Variants in TMEM132B observed in about 807,000 individuals in gnomAD.
The protein encoded by TMEM132B is transmembrane protein 132B.
A neutral mutation model predicts 90.8 loss-of-function variants in TMEM132B; 18 were observed. That is an observed-to-expected ratio of 0.20 (90% CI 0.14 to 0.29). The LOEUF is 0.29. Among genes scored for constraint, TMEM132B ranks in the 10% least tolerant of loss-of-function variants. The pLI, the probability that TMEM132B is intolerant of heterozygous loss-of-function variation, is 1.00. For synonymous variants in TMEM132B, 504 were observed against 523.3 expected (o/e 0.96, Z 0.50); for missense variants, 1,096 against 1,326.8 (o/e 0.83, Z 2.70).
At chr12:125,426,724 C>T (rs764519621) in intron 3 of TMEM132B, among the ~76,000 whole-genome samples, 20 of 152,222 alleles carry the variant, frequency 1.3e-4, no homozygotes, top group Admixed American at 1.2e-3. Context: ...GCTTTCGTCA[C>T]GACCTAGTGG....
At chr12:125,499,069 G>T (rs1053673513) in intron 3 of TMEM132B, among the ~76,000 whole-genome samples, 1 of 152,138 alleles carries the variant, frequency 6.6e-6, no homozygotes, top group Non-Finnish European at 1.5e-5. Flanking sequence ...CTTTGGTGTG[G>T]TTATCATGTT....
At chr12:125,303,051 C>T (rs991526404) in intron 1 of TMEM132B, among the ~76,000 whole-genome samples, 11 of 151,808 alleles carry the variant, frequency 7.2e-5, no homozygotes, top group African/African-American at 2.2e-4. Context: ...GAGCTGAGAT[C>T]GCACCACTGC....
At chr12:125,629,443 C>T (rs1886306050) in intron 5 of TMEM132B, among the ~76,000 whole-genome samples, 1 of 151,754 alleles carries the variant, frequency 6.6e-6, no homozygotes, top group African/African-American at 2.4e-5. Flanking sequence ...TCTGATTGTT[C>T]ATTGTTGGCA....
chr12:125,426,578 C>A (rs1398177552), intron 3 of TMEM132B, among the ~76,000 whole-genome samples: 1 of 152,202 alleles, frequency 6.6e-6, no homozygotes, highest in East Asian at 1.9e-4. Context: ...TTCTCACTGG[C>A]TGAGGGCTAT....
chr12:125,238,387 C>CAAAAAAA (rs1565981391), intron 1 of TMEM132B, among the ~76,000 whole-genome samples: 1 of 137,650 alleles, frequency 7.3e-6, no homozygotes, highest in African/African-American at 2.7e-5. Flanking sequence ...CAAAAAAAAA[C>CAAAAAAA]CAAAAAAACA....
chr12:125,514,105 A>G (rs1440422401), intron 3 of TMEM132B, among the ~76,000 whole-genome samples: 1 of 152,216 alleles, frequency 6.6e-6, no homozygotes, highest in African/African-American at 2.4e-5. Flanking sequence ...TTCTCTAAGC[A>G]GAGTATATAA....
At chr12:125,638,512 C>A (rs144393711) in intron 5 of TMEM132B, among the ~76,000 whole-genome samples, 1 of 152,258 alleles carries the variant, frequency 6.6e-6, no homozygotes, top group East Asian at 1.9e-4. Flanking sequence ...AGGTTTTTCT[C>A]TACATAGTTT....
chr12:125,340,052 G>T (rs1333469322), intron 1 of TMEM132B, among the ~76,000 whole-genome samples: 2 of 152,180 alleles, frequency 1.3e-5, no homozygotes, highest in Non-Finnish European at 2.9e-5. Context: ...GATGTTTCAG[G>T]TCTTAACAAC....
intron 1 of TMEM132B, among the ~76,000 whole-genome samples, chr12:125,281,398 G>A (rs1191908147): frequency 6.6e-6 from 1 of 152,142 alleles, no homozygotes; most frequent in Non-Finnish European, 1.5e-5. Context: ...GGTGGTGGCG[G>A]GAGAAAGTGG....
chr12:125,242,847 A>G (rs1874105054), intron 1 of TMEM132B, among the ~76,000 whole-genome samples: 1 of 152,028 alleles, frequency 6.6e-6, no homozygotes. Flanking sequence ...AAATTATGTT[A>G]AACACATAAC....
intron 3 of TMEM132B, among the ~76,000 whole-genome samples, chr12:125,476,494 A>G (rs754318388): frequency 3.3e-5 from 5 of 152,238 alleles, no homozygotes; most frequent in African/African-American, 9.6e-5. Flanking sequence ...TCTCAATAAC[A>G]GTCCATTGTA....
intron 1 of TMEM132B, among the ~76,000 whole-genome samples, chr12:125,195,392 G>A (rs985539775): frequency 9.3e-5 from 11 of 118,642 alleles, no homozygotes; most frequent in African/African-American, 3.0e-4. Context: ...GAGGGTTTGC[G>A]GGTTTTTTTT....
chr12:125,600,627 A>G (rs977774335), intron 5 of TMEM132B, among the ~76,000 whole-genome samples: 2 of 152,222 alleles, frequency 1.3e-5, no homozygotes, highest in Admixed American at 1.3e-4. Flanking sequence ...TCAAGGCAGC[A>G]TTTAATGAAT....
intron 3 of TMEM132B, among the ~76,000 whole-genome samples, chr12:125,503,479 C>T (rs531313673): frequency 1.3e-5 from 2 of 152,252 alleles, no homozygotes; most frequent in South Asian, 2.1e-4. Context: ...TGGATCTCAT[C>T]GTTATTTGAA....
At chr12:125,332,876 A>G (rs1215822852) in intron 1 of TMEM132B, among the ~76,000 whole-genome samples, 1 of 151,460 alleles carries the variant, frequency 6.6e-6, no homozygotes, top group Admixed American at 6.6e-5. Flanking sequence ...AAAAACAAGA[A>G]AGAGAACAAA....
intron 1 of TMEM132B, among the ~76,000 whole-genome samples, chr12:125,258,452 A>C (rs1874488910): frequency 6.6e-6 from 1 of 152,118 alleles, no homozygotes; most frequent in African/African-American, 2.4e-5. Flanking sequence ...CTGGGCTGGG[A>C]TGGCTTGAAG....
intron 3 of TMEM132B, among the ~76,000 whole-genome samples, chr12:125,483,672 A>G (rs1430172351): frequency 6.6e-6 from 1 of 152,212 alleles, no homozygotes; most frequent in Non-Finnish European, 1.5e-5. Context: ...GGATTTGCTC[A>G]TGAAATCCAG....
In TMEM132B at chr12:125,402,549, T is replaced by C. The variant is rs1879349907; in HGVS notation, c.960-12982T>C. The stretch of plus-strand genomic sequence containing the variant: ...TTGTTGATAGTTTTGCATGCATTTG[T>C]CCATCCTCTACTATTACAAGATATG... On this transcript the variant is annotated intron_variant, in intron 2 of 8. Transcript: ENST00000682704. Among the ~76,000 whole-genome samples, 3 of 152,252 alleles carry C rather than the reference T, an allele frequency of 2.0e-5. No homozygotes were observed. In the South Asian group the frequency reaches 6.2e-4, roughly 32 times the overall value.
At chr12:125,348,604 G>A (rs1877447698) in intron 1 of TMEM132B, among the ~76,000 whole-genome samples, 1 of 151,960 alleles carries the variant, frequency 6.6e-6, no homozygotes, top group African/African-American at 2.4e-5. Context: ...CAACGTGCTG[G>A]GATTACAGGT....
Sources: allele counts gnomAD v4.1 joint callset (sites outside exome capture counted in the v4.1 genomes callset), GRCh38; gene constraint gnomAD v4.1.1; transcripts MANE v1.5; gene names NCBI Gene and HGNC (gene_info 2026-07-23, HGNC 2026-07-21).